NAV2: variants seen among roughly 807,000 people sequenced by gnomAD.
NAV2 encodes the protein helicase, APC down-regulated 1.
A neutral mutation model predicts 223.2 loss-of-function variants in NAV2; 54 were observed. That is an observed-to-expected ratio of 0.24 (90% CI 0.19 to 0.30). The LOEUF is 0.30. NAV2 is among the 10% of genes least tolerant of loss of function. The pLI is 1.00. For missense variants in NAV2, 2,806 were observed against 3,147.5 expected (o/e 0.89, Z 2.60); for synonymous variants, 1,279 against 1,239.3 (o/e 1.03, Z -0.67).
At chr11:19,397,320 G>A (rs536774612) in intron 1 of NAV2, among the ~76,000 whole-genome samples, 75 of 152,088 alleles carry the variant, frequency 4.9e-4, no homozygotes, top group African/African-American at 1.0e-3. Flanking sequence ...GATCTCTTTC[G>A]GTTTTGGAGG....
At chr11:19,373,828 T>C (rs1418067149) in intron 1 of NAV2, among the ~76,000 whole-genome samples, 1 of 152,198 alleles carries the variant, frequency 6.6e-6, no homozygotes, top group East Asian at 1.9e-4. Context: ...TTGTTACATG[T>C]TGAATGAAAG....
intron 10 of NAV2, among the ~76,000 whole-genome samples, chr11:19,961,247 G>T (rs939975534): frequency 3.3e-5 from 5 of 152,108 alleles, no homozygotes; most frequent in Admixed American, 3.3e-4. Context: ...ACTGCACCCG[G>T]CCCACGTTTA....
intron 7 of NAV2, among the ~76,000 whole-genome samples, chr11:19,935,269 G>T (rs771907239): frequency 5.3e-5 from 8 of 152,194 alleles, no homozygotes; most frequent in Non-Finnish European, 1.0e-4. Context: ...GAGGATTAAT[G>T]ATCAAGTGTC....
intron 1 of NAV2, among the ~76,000 whole-genome samples, chr11:19,488,444 G>A (rs771366247): frequency 8.5e-5 from 13 of 152,144 alleles, no homozygotes; most frequent in Admixed American, 4.6e-4. Flanking sequence ...AGCGCATTAT[G>A]AATTATGCTT....
chr11:19,598,394 C>T (rs1366876093), intron 1 of NAV2, among the ~76,000 whole-genome samples: 2 of 152,216 alleles, frequency 1.3e-5, no homozygotes, highest in African/African-American at 4.8e-5. Context: ...TTCCTAGCTT[C>T]AGGGAATTCT....
intron 1 of NAV2, among the ~76,000 whole-genome samples, chr11:19,651,716 T>A (rs145010120): frequency 6.6e-6 from 1 of 152,346 alleles, no homozygotes; most frequent in East Asian, 1.9e-4. Flanking sequence ...AAAAGCTCAA[T>A]GCATGGAAAC....
intron 6 of NAV2, among the ~76,000 whole-genome samples, chr11:19,908,363 G>T (rs1402720989): frequency 6.6e-6 from 1 of 151,932 alleles, no homozygotes. Context: ...TGGCCCACCC[G>T]TTCACTCCCT....
In NAV2 at chr11:19,658,143, A is replaced by C. The variant is rs2048179984; in HGVS notation, c.76-174341A>C. Among the ~76,000 whole-genome samples, 4 of 152,278 alleles carry C rather than the reference A, an allele frequency of 2.6e-5. No homozygotes were observed. In the South Asian group the frequency reaches 8.3e-4, roughly 32 times the overall value. On this transcript the variant is annotated intron_variant, in intron 1 of 37. Transcript: ENST00000360655. ...ATAAACTTACTTAATTTTTCACAGC[A>C]TTCCTATGATGTGGGAACAATTATT... is the stretch of plus-strand genomic sequence containing the variant.
At position 19,750,809 on chromosome 11, in the gene NAV2, C is replaced by G. The variant is rs372285286; in HGVS notation, c.267+36847C>G. Among the ~76,000 whole-genome samples the G allele has an allele frequency of 5.3e-5, 8 of 152,348 alleles. 1 individual carries two copies. In the South Asian group the frequency reaches 1.0e-3, roughly 20 times the overall value. ...TTCATTTCTATACACAAATGCCACA[C>G]AGGAATTCAGGATCCTTATTGAGTC... On this transcript the variant is annotated intron_variant, in intron 1 of 37. Coordinates refer to ENST00000349880, the MANE Select transcript of NAV2 (RefSeq NM_145117.5).
intron 10 of NAV2, among the ~76,000 whole-genome samples, chr11:19,957,208 G>A (rs971315501): frequency 6.6e-6 from 1 of 152,244 alleles, no homozygotes; most frequent in Non-Finnish European, 1.5e-5. Flanking sequence ...ATGGGGCTGG[G>A]CCAGATCCTG....
chr11:19,672,715 G>A (rs141076566), intron 1 of NAV2, among the ~76,000 whole-genome samples: 196 of 152,222 alleles, frequency 1.3e-3, no homozygotes, highest in African/African-American at 4.4e-3. Flanking sequence ...GACGCAAGCT[G>A]GCACCTCCCA....
chr11:19,811,952 G>A (rs1209411969), intron 1 of NAV2, among the ~76,000 whole-genome samples: 1 of 152,112 alleles, frequency 6.6e-6, no homozygotes, highest in Non-Finnish European at 1.5e-5. Flanking sequence ...GCCTGGAATG[G>A]TCTTCCTATG....
At chr11:19,528,746 A>G (rs149482895) in intron 1 of NAV2, among the ~76,000 whole-genome samples, 29 of 152,234 alleles carry the variant, frequency 1.9e-4, no homozygotes, top group African/African-American at 5.3e-4. Flanking sequence ...CCTGGCCAAT[A>G]TGGTGAAACC....
At chr11:19,662,451 G>A (rs973313901) in intron 1 of NAV2, among the ~76,000 whole-genome samples, 2 of 152,208 alleles carry the variant, frequency 1.3e-5, no homozygotes, top group African/African-American at 4.8e-5. Context: ...TTCATAGCAT[G>A]TAAGACCAGA....
chr11:19,958,646 C>T (rs112321938), intron 10 of NAV2, among the ~76,000 whole-genome samples: 207 of 152,310 alleles, frequency 1.4e-3, no homozygotes, highest in African/African-American at 4.7e-3. Context: ...ACTCTCAGCC[C>T]AGTGCCTGGC....
intron 26 of NAV2, among the ~76,000 whole-genome samples, chr11:20,084,938 CAGCGCTTTGGG>C (rs1410400822): frequency 6.6e-6 from 1 of 152,128 alleles, no homozygotes; most frequent in Non-Finnish European, 1.5e-5. Flanking sequence ...CCTGTAATCC[CAGCGCTTTGGG>C]AGGCCAAGGA....
chr11:19,439,224 A>C (rs1851315576), intron 1 of NAV2, among the ~76,000 whole-genome samples: 1 of 152,224 alleles, frequency 6.6e-6, no homozygotes, highest in African/African-American at 2.4e-5. Flanking sequence ...AACCCAAGAC[A>C]AAGACCAAAT....
intron 11 of NAV2, among the ~76,000 whole-genome samples, chr11:19,987,294 A>T (rs991302980): frequency 2.0e-5 from 3 of 152,232 alleles, no homozygotes; most frequent in African/African-American, 7.2e-5. Flanking sequence ...TCTTTCCTTT[A>T]AACCTGAAAA....
rs559171776 is a variant in NAV2 at position 19,705,192 on chromosome 11, C to T, written c.76-127292C>T. ...AAGCAGACAAACAAACAAAACAAACCTTGCATGTCAGATCCAGCCTAGAAT... is the reference window on the plus strand; with the variant it reads ...AAGCAGACAAACAAACAAAACAAACTTTGCATGTCAGATCCAGCCTAGAAT... On this transcript the variant is annotated intron_variant, in intron 1 of 37. Coordinates refer to the NAV2 transcript ENST00000360655. Among the ~76,000 whole-genome samples the T allele has an allele frequency of 2.0e-5, 3 of 152,042 alleles. No individual in the cohort carries two copies. The South Asian group carries it at 6.3e-4, about 32-fold the overall frequency.
Sources: allele counts gnomAD v4.1 joint callset (sites outside exome capture counted in the v4.1 genomes callset), GRCh38; gene constraint gnomAD v4.1.1; transcripts MANE v1.5; gene names NCBI Gene and HGNC (gene_info 2026-07-23, HGNC 2026-07-21).